The following DIP2B variants were observed in gnomAD, a reference collection of about 807,000 sequenced individuals.
The protein encoded by DIP2B is disco-interacting protein 2 homolog B.
A neutral mutation model predicts 198.0 loss-of-function variants in DIP2B; 76 were observed. The ratio of observed to expected loss-of-function variants is 0.38; its 90% CI spans 0.32 to 0.46. The LOEUF (loss-of-function observed/expected upper bound fraction) is 0.46. DIP2B is among the 20% of genes least tolerant of loss of function. The probability of loss-of-function intolerance (pLI) is 0.99; values close to 1 mark genes in which losing one functional copy is unlikely to be tolerated. For synonymous variants in DIP2B, 701 were observed against 739.1 expected (o/e 0.95, Z 0.84); for missense variants, 1,559 against 1,978.4 (o/e 0.79, Z 4.02).
At chr12:50,567,524 TA>T (rs1180168764) in intron 1 of DIP2B, among the ~76,000 whole-genome samples, 1 of 143,482 alleles carries the variant, frequency 7.0e-6, no homozygotes, top group African/African-American at 2.5e-5. Flanking sequence ...ATAACCGCTT[TA>T]AAAATCTTTT....
chr12:50,512,272 A>G (rs1339398186), intron 1 of DIP2B, among the ~76,000 whole-genome samples: 4 of 151,508 alleles, frequency 2.6e-5, no homozygotes, highest in African/African-American at 9.7e-5. Flanking sequence ...ACGCCCGGCT[A>G]ATTTTTGTAT....
At chr12:50,693,933 G>A (rs189245342) in intron 14 of DIP2B, among the ~76,000 whole-genome samples, 2 of 152,306 alleles carry the variant, frequency 1.3e-5, no homozygotes, top group East Asian at 3.9e-4. Context: ...CTATGAGGCT[G>A]GGTCTGTTTG....
intron 13 of DIP2B, 28 bp downstream of exon 13, chr12:50,691,179 A>G (rs1939216500): frequency 1.3e-6 from 2 of 1,588,932 alleles, no homozygotes; most frequent in Non-Finnish European, 1.7e-6. Context: ...GACTGCCCTC[A>G]TTGTTACCTT....
intron 19 of DIP2B, among the ~76,000 whole-genome samples, chr12:50,701,304 G>C (rs1259284495): frequency 6.6e-6 from 1 of 152,250 alleles, no homozygotes; most frequent in Non-Finnish European, 1.5e-5. Context: ...TTTAAATCCT[G>C]AGAGAGTTTA....
intron 17 of DIP2B, among the ~76,000 whole-genome samples, chr12:50,697,533 CTTT>C (rs11306905): frequency 1.5e-4 from 7 of 45,958 alleles, no homozygotes; most frequent in African/African-American, 6.9e-4. Context: ...TATAGATATA[CTTT>C]TTTTTTTTTT....
At chr12:50,531,024 C>T (rs907199931) in intron 1 of DIP2B, among the ~76,000 whole-genome samples, 5 of 152,102 alleles carry the variant, frequency 3.3e-5, no homozygotes, top group African/African-American at 1.2e-4. Context: ...AAGCAGTGGG[C>T]ATGATTGAGA....
At chr12:50,737,235 C>A in intron 35 of DIP2B, 125 bp downstream of exon 35, 2 of 859,846 alleles carry the variant, frequency 2.3e-6, no homozygotes, top group Non-Finnish European at 3.6e-6. Context: ...TAATTTTTTT[C>A]TGTAAGGCAT....
intron 10 of DIP2B, among the ~76,000 whole-genome samples, chr12:50,683,519 C>T (rs532010622): frequency 1.6e-3 from 240 of 152,296 alleles, no homozygotes; most frequent in Non-Finnish European, 2.6e-3. Context: ...CAGTGGCTCA[C>T]GCCTGTAATC....
At chr12:50,568,960 TG>T (rs1958590437) in intron 1 of DIP2B, among the ~76,000 whole-genome samples, 1 of 152,092 alleles carries the variant, frequency 6.6e-6, no homozygotes, top group Non-Finnish European at 1.5e-5. Context: ...TTTTTTTTTT[TG>T]TCCGTAAGAA....
At chr12:50,531,614 T>C (rs560102617) in intron 1 of DIP2B, among the ~76,000 whole-genome samples, 3 of 152,162 alleles carry the variant, frequency 2.0e-5, no homozygotes, top group African/African-American at 7.2e-5. Context: ...AGGGACAGGG[T>C]TGGGGCAAGG....
chr12:50,608,017 T>C (rs1021704910), intron 1 of DIP2B, among the ~76,000 whole-genome samples: 2 of 152,184 alleles, frequency 1.3e-5, no homozygotes, highest in Non-Finnish European at 2.9e-5. Context: ...GGTGTCAAAC[T>C]CCTGACCTCT....
At chr12:50,606,264 G>A (rs1474460199) in intron 1 of DIP2B, among the ~76,000 whole-genome samples, 2 of 152,124 alleles carry the variant, frequency 1.3e-5, no homozygotes, top group Non-Finnish European at 1.5e-5. Context: ...ATGGCTACAG[G>A]TGTGTGCCAC....
chr12:50,603,088 C>G (rs1485517427), intron 1 of DIP2B, among the ~76,000 whole-genome samples: 1 of 148,972 alleles, frequency 6.7e-6, no homozygotes, highest in Non-Finnish European at 1.5e-5. Flanking sequence ...GGCGTGAACC[C>G]GGGAGGTGGA....
At chr12:50,514,157 C>G (rs1390929096) in intron 1 of DIP2B, among the ~76,000 whole-genome samples, 1 of 151,402 alleles carries the variant, frequency 6.6e-6, no homozygotes, top group Non-Finnish European at 1.5e-5. Flanking sequence ...CCTCCGCCTC[C>G]CGGGTTCAAG....
rs1025869852 is a variant in DIP2B, at chr12:50,505,240, G to A, written c.100G>A (p.Gly34Arg). The change falls in exon 1 of 38, where the codon GGG (glycine) becomes AGG (arginine). Residue 34 changes from glycine (G) to arginine (R), a missense_variant and splice_region_variant. Coordinates refer to ENST00000301180, the MANE Select transcript of DIP2B (RefSeq NM_173602.3). The part of the protein sequence containing the change: ...LAELELELSE[G>R]DITQKGYEKK... ...GGAGCTGGAGCTGGAGCTCTCGGAG[G>A]GTAGGAGCCGGGCCGGGGAGAGGGC... 1 of 1,510,628 alleles carries A rather than the reference G, an allele frequency of 6.6e-7. No individual in the cohort carries two copies. The highest frequency in any genetic ancestry group is 8.8e-7 in the Non-Finnish European group (1 of 1,135,808). 93.6% of individuals were successfully genotyped at this position (1,510,628 alleles called of 1,614,324 possible). A position where few individuals can be genotyped will look rare whatever the true frequency, so the allele number is the denominator to read the frequency against.
intron 1 of DIP2B, among the ~76,000 whole-genome samples, chr12:50,618,796 G>T (rs532477821): frequency 6.6e-6 from 1 of 152,288 alleles, no homozygotes; most frequent in Admixed American, 6.5e-5. Context: ...GGAGGCCCTT[G>T]ATAAGTGTTA....
rs1011447247 is a variant in DIP2B, at chr12:50,670,404, G to A, written c.428-782G>A. ...TAGCACCTAGCTCACTGTTTGGCAC[G>A]TATGTTTTTTGTTTTTTGTTTTTGT... On this transcript the variant is annotated intron_variant, in intron 4 of 37. Coordinates refer to ENST00000301180, the MANE Select transcript of DIP2B (RefSeq NM_173602.3). Among the ~76,000 whole-genome samples the A allele has an allele frequency of 2.6e-5, 4 of 151,802 alleles. No homozygotes were observed. The East Asian group carries it at 7.7e-4, about 29-fold the overall frequency.
intron 1 of DIP2B, among the ~76,000 whole-genome samples, chr12:50,521,489 CTTTTTTTTT>C (rs35971707): frequency 3.1e-5 from 3 of 98,246 alleles, no homozygotes; most frequent in Admixed American, 1.2e-4. Flanking sequence ...AGGTTTCTTT[CTTTTTTTTT>C]TTTTTTTTTT....
At chr12:50,699,659 G>A (rs1052843154) in intron 19 of DIP2B, among the ~76,000 whole-genome samples, 1 of 151,990 alleles carries the variant, frequency 6.6e-6, no homozygotes, top group Admixed American at 6.6e-5. Context: ...AGGCAATGTA[G>A]CAATGTAGCA....
Sources: gnomAD v4.1 joint callset for allele counts (sites outside exome capture counted in the v4.1 genomes callset) on GRCh38, gnomAD v4.1.1 for gene constraint, MANE v1.5 for transcripts, NCBI Gene and HGNC (gene_info 2026-07-23, HGNC 2026-07-21) for gene names.